RPA1: variants seen among roughly 807,000 people sequenced by gnomAD.
The protein encoded by RPA1 is replication protein A 70 kDa DNA-binding subunit.
Under a neutral mutation model 83.0 loss-of-function variants are expected in RPA1, and 49 were observed. That is an observed-to-expected ratio of 0.59 (90% CI 0.47 to 0.75). The LOEUF (loss-of-function observed/expected upper bound fraction) is 0.75, where lower values mean the gene tolerates loss of function less well. Ranked by LOEUF, RPA1 falls within the 30% of genes least tolerant of loss-of-function variation. The pLI is 0.00. For synonymous variants in RPA1, 279 were observed against 281.8 expected, an observed-to-expected ratio of 0.99 and a Z score of 0.10; for missense variants, 693 against 776.1, an observed-to-expected ratio of 0.89 and a Z score of 1.27.
At position 1,891,902 on chromosome 17, in the gene RPA1, G is replaced by A. The variant is rs1473697179; in HGVS notation, c.1621G>A (p.Gly541Arg). The A allele has an allele frequency of 1.2e-6, 2 of 1,608,222 alleles. No individual in the cohort carries two copies. Among genetic ancestry groups the A allele is most frequent in the Non-Finnish European group, 1.7e-6 (2 of 1,175,650 alleles). The change falls in exon 15 of 17, where the codon GGA becomes AGA. Residue 541 changes from glycine to arginine, a missense_variant. Physicochemically the swap from Gly to Arg is moderately radical, Grantham distance 125. Coordinates refer to ENST00000254719, the MANE Select transcript of RPA1 (RefSeq NM_002945.5). ...CFQESAEAIL[G>R]QNAAYLGELK... ...CCAGGAGTCTGCTGAAGCTATCCTT[G>A]GACAAAATGCTGCTTATCTTGGGGA...
At chr17:1,845,550 T>G (rs1353996470) in intron 4 of RPA1, among the ~76,000 whole-genome samples, 1 of 151,816 alleles carries the variant, frequency 6.6e-6, no homozygotes. Context: ...AAAATAAATT[T>G]AAAAAAAGAA....
At chr17:1,870,828 G>T (rs1913351216) in intron 5 of RPA1, among the ~76,000 whole-genome samples, 1 of 152,192 alleles carries the variant, frequency 6.6e-6, no homozygotes, top group Non-Finnish European at 1.5e-5. Flanking sequence ...TAGTGGTTTT[G>T]GAGATGATAG....
intron 5 of RPA1, among the ~76,000 whole-genome samples, chr17:1,853,736 A>C (rs898854003): frequency 2.0e-5 from 3 of 152,240 alleles, no homozygotes; most frequent in Non-Finnish European, 4.4e-5. Context: ...GACTAAAAAA[A>C]AATCTAGGAT....
intron 5 of RPA1, among the ~76,000 whole-genome samples, chr17:1,866,613 G>A (rs1447158939): frequency 4.6e-5 from 7 of 151,620 alleles, no homozygotes; most frequent in African/African-American, 7.3e-5. Context: ...CACTGCGCCC[G>A]GCCACCGGCT....
chr17:1,839,759 TGA>T (rs1434035380), intron 1 of RPA1, among the ~76,000 whole-genome samples: 1 of 149,858 alleles, frequency 6.7e-6, no homozygotes, highest in Non-Finnish European at 1.5e-5. Flanking sequence ...CCTCACCCTC[TGA>T]GTAGCTGGGA....
chr17:1,840,076 A>G (rs919189367), intron 1 of RPA1, among the ~76,000 whole-genome samples: 1 of 151,534 alleles, frequency 6.6e-6, no homozygotes, highest in South Asian at 2.1e-4. Context: ...CTTTGCATAC[A>G]CTGAAGTATA....
intron 5 of RPA1, among the ~76,000 whole-genome samples, chr17:1,854,671 T>C (rs552108513): frequency 6.6e-6 from 1 of 152,276 alleles, no homozygotes; most frequent in South Asian, 2.1e-4. Flanking sequence ...ACCACTGCCC[T>C]CCAGCCTGGG....
intron 8 of RPA1, among the ~76,000 whole-genome samples, chr17:1,878,029 G>A (rs1387042639): frequency 2.0e-5 from 3 of 152,230 alleles, no homozygotes; most frequent in South Asian, 2.1e-4. Flanking sequence ...TCAGGAGTTC[G>A]AGACCAGCCT....
intron 5 of RPA1, among the ~76,000 whole-genome samples, chr17:1,865,125 G>A (rs1913130133): frequency 6.6e-6 from 1 of 152,186 alleles, no homozygotes; most frequent in Non-Finnish European, 1.5e-5. Context: ...TTGAGGTAGA[G>A]GAAACTGTTG....
At chr17:1,841,092 C>A (rs1207429208) in intron 1 of RPA1, among the ~76,000 whole-genome samples, 1 of 152,046 alleles carries the variant, frequency 6.6e-6, no homozygotes, top group African/African-American at 2.4e-5. Flanking sequence ...AAAGAAAGTT[C>A]TTTTGATGGT....
intron 5 of RPA1, among the ~76,000 whole-genome samples, chr17:1,866,020 C>T (rs1000754960): frequency 2.0e-5 from 3 of 152,048 alleles, no homozygotes; most frequent in African/African-American, 4.8e-5. Flanking sequence ...CTTGGCAGAT[C>T]GCTTGAGCTC....
chr17:1,860,356 G>T (rs993638825), intron 5 of RPA1, among the ~76,000 whole-genome samples: 1 of 152,032 alleles, frequency 6.6e-6, no homozygotes, highest in Non-Finnish European at 1.5e-5. Flanking sequence ...TCACTTTGTT[G>T]CCCAGGCTGG....
At chr17:1,830,809 A>G (rs1911529501) in intron 1 of RPA1, among the ~76,000 whole-genome samples, 1 of 150,746 alleles carries the variant, frequency 6.6e-6, no homozygotes, top group African/African-American at 2.4e-5. Context: ...ACTGTCGCCC[A>G]GGCTGGAGTG....
chr17:1,885,636 G>A (rs191384361), intron 13 of RPA1, among the ~76,000 whole-genome samples: 3 of 152,192 alleles, frequency 2.0e-5, no homozygotes, highest in Admixed American at 6.5e-5. Context: ...ACTGAGTTGT[G>A]TCATGTTGCC....
intron 11 of RPA1, among the ~76,000 whole-genome samples, chr17:1,880,090 T>C (rs1597451993): frequency 1.5e-5 from 2 of 137,648 alleles, no homozygotes; most frequent in East Asian, 2.1e-4. Context: ...GAGGGAGGGG[T>C]CTTGTCCTAT....
chr17:1,883,735 T>C, intron 12 of RPA1, 77 bp from the exon 13 acceptor site: 1 of 1,596,600 alleles, frequency 6.3e-7, no homozygotes, highest in Non-Finnish European at 8.6e-7. Context: ...GTCTGTCGCG[T>C]AGCAGCAAGT....
chr17:1,859,539 TTATTA>T (rs1384828758), intron 5 of RPA1, among the ~76,000 whole-genome samples: 4 of 152,232 alleles, frequency 2.6e-5, no homozygotes, highest in Non-Finnish European at 5.9e-5. Flanking sequence ...TTGACTCTTA[TTATTA>T]TGAAATGATT....
chr17:1,880,452 C>G, intron 11 of RPA1, 91 bp from the exon 12 acceptor site: 14 of 1,326,972 alleles, frequency 1.1e-5, no homozygotes, highest in Non-Finnish European at 1.4e-5. Flanking sequence ...TACATTCACT[C>G]TACTATTGAA....
chr17:1,867,145 T>A (rs1567815490), intron 5 of RPA1, among the ~76,000 whole-genome samples: 1 of 152,228 alleles, frequency 6.6e-6, no homozygotes, highest in East Asian at 1.9e-4. Flanking sequence ...ATTATTAAAT[T>A]GACACATCAC....
Sources: allele counts gnomAD v4.1 joint callset (sites outside exome capture counted in the v4.1 genomes callset), GRCh38; gene constraint gnomAD v4.1.1; transcripts MANE v1.5; gene names NCBI Gene and HGNC (gene_info 2026-07-23, HGNC 2026-07-21).